HMMR: variants seen among roughly 807,000 people sequenced by gnomAD.
HMMR encodes the protein intracellular hyaluronic acid-binding protein.
HMMR carries 108 observed loss-of-function variants against 101.0 expected under a neutral mutation model. The observed-to-expected ratio is 1.07, with a 90% CI of 0.92 to 1.25. The LOEUF is 1.25. HMMR is among the 50% of genes most tolerant of loss of function. The pLI is 0.00. For missense variants in HMMR, 813 were observed against 788.7 expected (o/e 1.03, Z -0.37); for synonymous variants, 296 against 276.4 (o/e 1.07, Z -0.70).
chr5:163,467,787 TAGAA>T lies in HMMR; in HGVS notation c.273+43_273+46del, dbSNP rs772838272. The stretch of plus-strand genomic sequence containing the variant: ...TAAACTTAGTGAAAAGTACACATGA[TAGAA>T]AGAGAGTTACACAGATTTAAGAGAT... On this transcript the variant is annotated intron_variant, in intron 4 of 17. Coordinates refer to ENST00000393915, the MANE Select transcript of HMMR (RefSeq NM_001142556.2). The T allele has an allele frequency of 1.3e-4, 163 of 1,216,160 alleles. 1 individual carries two copies. The highest frequency in any genetic ancestry group is 6.8e-4 in the South Asian group (55 of 80,896). The allele number at this position is 1,216,160 out of a possible 1,614,324, so 75.3% of individuals were successfully genotyped here.
intron 11 of HMMR, among the ~76,000 whole-genome samples, chr5:163,476,690 A>C (rs894414614): frequency 3.9e-5 from 6 of 152,186 alleles, no homozygotes; most frequent in Non-Finnish European, 7.3e-5. Context: ...AATAATTATA[A>C]CTGGGAAACA....
intron 16 of HMMR, chr5:163,489,493 G>A (rs299317): frequency 0.99 from 151,297 of 152,432 alleles, 75,098 homozygotes; most frequent in East Asian, 1. Flanking sequence ...CTGAAATTGG[G>A]GACAATGGCA....
In HMMR at chr5:163,470,867, A is replaced by G. The variant is rs529665990; in HGVS notation, c.463-318A>G. Among the ~76,000 whole-genome samples the G allele has an allele frequency of 2.5e-4, 38 of 152,106 alleles. No individual in the cohort carries two copies. In the South Asian group the frequency reaches 7.3e-3, roughly 29 times the overall value. Reference sequence around the variant, plus strand: ...TTAGCTAGGCATGGTGGTGGTGCACACCGGTAATCCCAGCTACTCAGGAAG... The same window carrying G: ...TTAGCTAGGCATGGTGGTGGTGCACGCCGGTAATCCCAGCTACTCAGGAAG... On this transcript the variant is annotated intron_variant, in intron 5 of 17. Coordinates refer to ENST00000393915, the MANE Select transcript of HMMR (RefSeq NM_001142556.2).
Position 163,471,354 on chromosome 5 carries a change from G to A in HMMR, c.550-9G>A. 3 of 1,613,536 alleles carry A rather than the reference G, an allele frequency of 1.9e-6. No homozygotes were observed. Among genetic ancestry groups the A allele is most frequent in the South Asian group, 1.1e-5 (1 of 91,072 alleles). ...CTCATTTCCTAAAACAGGTATCTTT[G>A]TTGTGTAGGGTATGATGGCTAAGCA... On this transcript the variant is annotated splice_polypyrimidine_tract_variant and intron_variant, in intron 6 of 17. Coordinates refer to ENST00000393915, the MANE Select transcript of HMMR (RefSeq NM_001142556.2).
At chr5:163,478,869 A>C in intron 12 of HMMR, 69 bp downstream of exon 12, 1 of 843,204 alleles carries the variant, frequency 1.2e-6, no homozygotes, top group Non-Finnish European at 2.1e-6. Flanking sequence ...CCCAGGAAAT[A>C]TGTGAGCAAA....
chr5:163,487,380 CTTTG>C (rs1384183302), intron 16 of HMMR, among the ~76,000 whole-genome samples: 1 of 150,652 alleles, frequency 6.6e-6, no homozygotes, highest in Non-Finnish European at 1.5e-5. Context: ...GTTTTCTTTG[CTTTG>C]TTTTTGTTTT....
chr5:163,478,473 A>G (rs1346147627), intron 11 of HMMR, among the ~76,000 whole-genome samples: 1 of 152,230 alleles, frequency 6.6e-6, no homozygotes, highest in Non-Finnish European at 1.5e-5. Context: ...AAGTAAAATA[A>G]GCAGGAAAGA....
chr5:163,485,203 A>G (rs2113513749), intron 16 of HMMR, among the ~76,000 whole-genome samples: 1 of 152,196 alleles, frequency 6.6e-6, no homozygotes, highest in East Asian at 1.9e-4. Context: ...GTATCAGACT[A>G]CATTCAGATG....
chr5:163,491,883 G>C lies in HMMR; in HGVS notation c.*719G>C, dbSNP rs887685560. 6.6e-6 allele frequency: 1 copy of C among 152,142 alleles called. No homozygotes were observed. The highest frequency in any genetic ancestry group is 2.4e-5 in the African/African-American group (1 of 41,440). The allele number at this position is 152,142 out of a possible 1,614,324, so 9.4% of individuals were successfully genotyped here. A position where few individuals can be genotyped will look rare whatever the true frequency, so the allele number is the denominator to read the frequency against. On this transcript the variant is annotated 3_prime_UTR_variant, in exon 18 of 18. Coordinates refer to ENST00000393915, the MANE Select transcript of HMMR (RefSeq NM_001142556.2). ...TGCTTGTCATCTGCATGTCTACTCA[G>C]CATTTGATTAACATTTGTGTAATAT...
At chr5:163,482,186 G>C (rs1487105049) in intron 12 of HMMR, among the ~76,000 whole-genome samples, 2 of 152,128 alleles carry the variant, frequency 1.3e-5, no homozygotes, top group African/African-American at 4.8e-5. Flanking sequence ...CAGAGTGCTG[G>C]GATTACAGGC....
rs1356674102 is a variant in HMMR, at chr5:163,463,846, T to C, written c.47-10T>C. On this transcript the variant is annotated splice_polypyrimidine_tract_variant and intron_variant, in intron 1 of 17. Transcript: ENST00000393915. ...TTAGATAATATATTAATGTTTTCTA[T>C]TTCCTCTAGGTTGTGCACCATCTCC... 1.6e-6 allele frequency: 2 copies of C among 1,225,274 alleles called. No individual in the cohort carries two copies. Among genetic ancestry groups the C allele is most frequent in the African/African-American group, 1.6e-5 (1 of 63,082 alleles). The allele number at this position is 1,225,274 out of a possible 1,614,324, so 75.9% of individuals were successfully genotyped here.
intron 10 of HMMR, among the ~76,000 whole-genome samples, chr5:163,474,962 T>C (rs1056514054): frequency 1.1e-4 from 16 of 152,016 alleles, no homozygotes; most frequent in African/African-American, 3.9e-4. Flanking sequence ...AGAAGGCATA[T>C]ATATTCCAAA....
chr5:163,466,113 A>C lies in HMMR; in HGVS notation c.225+1311A>C, dbSNP rs572992579. ...ACCCCGTCTCTACTAAAAATACAAG[A>C]AAATTAGCCGTGTGTGGTGGCACGT... On this transcript the variant is annotated intron_variant, in intron 3 of 17. Coordinates refer to ENST00000393915, the MANE Select transcript of HMMR (RefSeq NM_001142556.2). Among the ~76,000 whole-genome samples, 8 of 151,644 alleles carry C rather than the reference A, an allele frequency of 5.3e-5. No homozygotes were observed. The South Asian group carries it at 1.7e-3, about 32-fold the overall frequency.
chr5:163,472,828 C>T (rs1758939636), intron 7 of HMMR, among the ~76,000 whole-genome samples: 1 of 152,060 alleles, frequency 6.6e-6, no homozygotes, highest in Non-Finnish European at 1.5e-5. Flanking sequence ...TAGTCTGGGA[C>T]AAAAGCTTTA....
chr5:163,491,274 C>A lies in HMMR; in HGVS notation c.*110C>A. On this transcript the variant is annotated 3_prime_UTR_variant, in exon 18 of 18. Transcript: ENST00000393915. ...TAATGTTGTATTTAATTTTAACTGC[C>A]AATCCTTAAATATGTGAAAGGAACA... 1 of 612,798 alleles carries A rather than the reference C, an allele frequency of 1.6e-6. No homozygotes were observed. The highest frequency in any genetic ancestry group is 2.8e-6 in the Non-Finnish European group (1 of 356,578). 38.0% of individuals were successfully genotyped at this position (612,798 alleles called of 1,614,324 possible). A position where few individuals can be genotyped will look rare whatever the true frequency, so the allele number is the denominator to read the frequency against.
intron 10 of HMMR, 142 bp from the exon 11 acceptor site, chr5:163,475,316 T>C (rs1026498349): frequency 6.3e-6 from 3 of 478,462 alleles, no homozygotes; most frequent in Non-Finnish European, 1.1e-5. Context: ...AAAACAAATA[T>C]GCTATTTCTA....
Position 163,483,262 on chromosome 5 carries a change from A to T in HMMR, c.1686-6A>T. ...ATGTTTTTCTCAATTTAATTCTTCC[A>T]TGCAGAAAAGCTGAAAAAGAAAATA... On this transcript the variant is annotated splice_polypyrimidine_tract_variant and splice_region_variant and intron_variant, in intron 14 of 17. Transcript: ENST00000393915. 6.2e-7 allele frequency: 1 copy of T among 1,604,634 alleles called. No individual in the cohort carries two copies. The highest frequency in any genetic ancestry group is 8.5e-7 in the Non-Finnish European group (1 of 1,173,176).
intron 11 of HMMR, 136 bp from the exon 12 acceptor site, chr5:163,478,548 C>A (rs2113492726): frequency 5.0e-6 from 3 of 598,740 alleles, no homozygotes; most frequent in Middle Eastern, 4.4e-4. Flanking sequence ...AAATTAGGAT[C>A]TGAGCTATTT....
In HMMR at chr5:163,482,742, C is replaced by T. The variant is rs893717945; in HGVS notation, c.1486C>T (p.Gln496Ter). ...GGCTGGGAAAAATGCAGAGGATGTT[C>T]AGCATCAGATTTTGGCAACTGAGAG... is the stretch of plus-strand genomic sequence containing the variant. ...AKAGKNAEDV[Q>*]HQILATESSN... The change falls in exon 13 of 18, where the codon CAG (glutamine) becomes TAG (stop). Residue 496 changes from glutamine to a stop codon, truncating the protein, a stop_gained. Transcript: ENST00000393915. LOFTEE classifies it high-confidence loss of function. The T allele has an allele frequency of 2.0e-5, 32 of 1,613,706 alleles. No individual in the cohort carries two copies. Among genetic ancestry groups the T allele is most frequent in the Non-Finnish European group, 2.7e-5 (32 of 1,179,794 alleles).
Sources: allele counts gnomAD v4.1 joint callset (sites outside exome capture counted in the v4.1 genomes callset), GRCh38; gene constraint gnomAD v4.1.1; transcripts MANE v1.5; gene names NCBI Gene and HGNC (gene_info 2026-07-23, HGNC 2026-07-21).